The following TEKT3 variants were observed in gnomAD, a reference collection of about 807,000 sequenced individuals.
TEKT3 encodes the protein tektin 3.
Under a neutral mutation model 49.8 loss-of-function variants are expected in TEKT3, and 49 were observed. That is an observed-to-expected ratio of 0.98 (90% CI 0.78 to 1.25). TEKT3 has a LOEUF of 1.25. Ranked by LOEUF, TEKT3 falls within the 50% of genes most tolerant of loss-of-function variation. The probability of loss-of-function intolerance (pLI) is 0.00; values close to 1 mark genes in which losing one functional copy is unlikely to be tolerated. For missense variants in TEKT3, 595 were observed against 629.5 expected, an observed-to-expected ratio of 0.95 and a Z score of 0.59; for synonymous variants, 225 against 237.2, an observed-to-expected ratio of 0.95 and a Z score of 0.47.
At chr17:15,326,957 T>C (rs911918375) in intron 4 of TEKT3, among the ~76,000 whole-genome samples, 1 of 152,140 alleles carries the variant, frequency 6.6e-6, no homozygotes, top group Non-Finnish European at 1.5e-5. Context: ...GGATGGCAAT[T>C]TGGCTACATA....
chr17:15,331,783 A>G (rs1310385647), intron 2 of TEKT3, among the ~76,000 whole-genome samples, 169 bp from the exon 3 acceptor site: 1 of 151,844 alleles, frequency 6.6e-6, no homozygotes, highest in African/African-American at 2.4e-5. Context: ...TATTCCAACA[A>G]AGTTTTTTTT....
At chr17:15,314,602 C>T (rs1597661160) in intron 5 of TEKT3, among the ~76,000 whole-genome samples, 1 of 152,172 alleles carries the variant, frequency 6.6e-6, no homozygotes, top group Non-Finnish European at 1.5e-5. Flanking sequence ...CTGTGCCTTC[C>T]ATTCCTTCCT....
At position 15,312,560 on chromosome 17, in the gene TEKT3, G is replaced by C. The variant is rs190999452; in HGVS notation, c.879-79C>G. On this transcript the variant is annotated intron_variant, in intron 6 of 8. Transcript: ENST00000395930. ...GGATCGCTAGGCAATCATTTATCCTGAGAGAGAGAAACCCCCAGGTCGCTG... is the reference window on the plus strand; with the variant it reads ...GGATCGCTAGGCAATCATTTATCCTCAGAGAGAGAAACCCCCAGGTCGCTG... 6.9e-6 allele frequency: 9 copies of C among 1,303,158 alleles called. No homozygotes were observed. The African/African-American group carries it at 1.0e-4, about 15-fold the overall frequency. The allele number at this position is 1,303,158 out of a possible 1,614,324, so 80.7% of individuals were successfully genotyped here. A position where few individuals can be genotyped will look rare whatever the true frequency, so the allele number is the denominator to read the frequency against.
At chr17:15,314,444 C>T (rs556790485) in intron 5 of TEKT3, among the ~76,000 whole-genome samples, 1 of 152,294 alleles carries the variant, frequency 6.6e-6, no homozygotes, top group South Asian at 2.1e-4. Context: ...CTTGTCTACA[C>T]TTCTCCTTTC....
intron 7 of TEKT3, among the ~76,000 whole-genome samples, chr17:15,310,111 T>C (rs1443584759): frequency 1.3e-5 from 2 of 152,250 alleles, no homozygotes; most frequent in Admixed American, 6.5e-5. Flanking sequence ...TCAGATACTA[T>C]GTGCTCCATG....
intron 4 of TEKT3, among the ~76,000 whole-genome samples, chr17:15,321,217 T>C (rs181567582): frequency 2.8e-4 from 42 of 152,076 alleles, no homozygotes; most frequent in African/African-American, 9.9e-4. Flanking sequence ...CACCATGTTA[T>C]CCAGGATGGT....
chr17:15,321,251 C>T (rs1421903316), intron 4 of TEKT3, among the ~76,000 whole-genome samples: 1 of 151,998 alleles, frequency 6.6e-6, no homozygotes, highest in African/African-American at 2.4e-5. Context: ...CCTTGTGATC[C>T]ACCCGCCTCG....
chr17:15,323,343 C>CA (rs534804786), intron 4 of TEKT3, among the ~76,000 whole-genome samples: 12 of 152,322 alleles, frequency 7.9e-5, no homozygotes, highest in Non-Finnish European at 1.2e-4. Context: ...CCCAGAGCCC[C>CA]AGCCTGAGTT....
chr17:15,329,874 G>T (rs1911647189), intron 3 of TEKT3, among the ~76,000 whole-genome samples: 1 of 152,158 alleles, frequency 6.6e-6, no homozygotes, highest in Non-Finnish European at 1.5e-5. Context: ...TGCTAGCTGT[G>T]CTCATCAAAA....
intron 4 of TEKT3, 106 bp downstream of exon 4, chr17:15,327,886 G>T: frequency 1.1e-6 from 1 of 931,972 alleles, no homozygotes; most frequent in Non-Finnish European, 1.7e-6. Flanking sequence ...ATACGATAAT[G>T]CTTTACTTAT....
Position 15,331,171 on chromosome 17 carries a change from G to C in TEKT3, c.415C>G (p.Gln139Glu), listed in dbSNP as rs780422233. 6.2e-7 allele frequency: 1 copy of C among 1,614,202 alleles called. No homozygotes were observed. The highest frequency in any genetic ancestry group is 8.5e-7 in the Non-Finnish European group (1 of 1,180,036). The change falls in exon 3 of 9, where the codon CAG becomes GAG. Residue 139 changes from glutamine (Q) to glutamate (E), a missense_variant. Gln to Glu is a conservative substitution (Grantham distance 29). Coordinates refer to ENST00000395930, the MANE Select transcript of TEKT3 (RefSeq NM_031898.3). ...CCCAGATTTTGGGTTGTGTCTGCCT[G>C]AGTTTTTCTTGTTTGTTGATATTTG... Reference protein sequence around the residue: ...QDKYQQTRKTQADTTQNLGER... With the variant: ...QDKYQQTRKTEADTTQNLGER...
chr17:15,313,297 G>A (rs565068151), intron 6 of TEKT3, among the ~76,000 whole-genome samples: 1 of 152,300 alleles, frequency 6.6e-6, no homozygotes, highest in Admixed American at 6.5e-5. Flanking sequence ...TGTATGGTAT[G>A]TGAATTTCAA....
At chr17:15,321,013 A>ATTTT (rs10695008) in intron 4 of TEKT3, among the ~76,000 whole-genome samples, 29 of 145,496 alleles carry the variant, frequency 2.0e-4, no homozygotes, top group African/African-American at 5.4e-4. Flanking sequence ...TACAACAATA[A>ATTTT]TTTTTTTTTT....
At chr17:15,329,429 GAA>G (rs901804693) in intron 3 of TEKT3, among the ~76,000 whole-genome samples, 1 of 152,160 alleles carries the variant, frequency 6.6e-6, no homozygotes, top group Non-Finnish European at 1.5e-5. Flanking sequence ...ACTAAGAGAA[GAA>G]ACTGAATCTC....
rs981930417 is a variant in TEKT3, at chr17:15,304,541, C to T, written c.1257-389G>A. Among the ~76,000 whole-genome samples, 3 of 152,146 alleles carry T rather than the reference C, an allele frequency of 2.0e-5. No homozygotes were observed. Among genetic ancestry groups the T allele is most frequent in the African/African-American group, 7.2e-5 (3 of 41,420 alleles). ...TAGAGCCCAGGGGTTCATAAGCTGTCCTTTCCATCGACACAGGGCCCACAT... is the reference window on the plus strand; with the variant it reads ...TAGAGCCCAGGGGTTCATAAGCTGTTCTTTCCATCGACACAGGGCCCACAT... On this transcript the variant is annotated intron_variant, in intron 8 of 8. Transcript: ENST00000395930. This position sits in a 1 kb window ranked among gnomAD's most constrained non-coding sequence, Gnocchi z 4.7.
chr17:15,337,521 C>T (rs1912032778), intron 2 of TEKT3, among the ~76,000 whole-genome samples: 1 of 152,150 alleles, frequency 6.6e-6, no homozygotes, highest in Non-Finnish European at 1.5e-5. Context: ...AAAAATCTCA[C>T]TTTAAATATA....
chr17:15,320,318 AT>A (rs1597410344), intron 4 of TEKT3, among the ~76,000 whole-genome samples: 1 of 151,644 alleles, frequency 6.6e-6, no homozygotes, highest in South Asian at 2.1e-4. Flanking sequence ...TCTGTCATTT[AT>A]TTTTTCTTTT....
At position 15,308,750 on chromosome 17, in the gene TEKT3, A is replaced by G; in HGVS notation, c.1170T>C (p.Thr390=). The part of the protein sequence containing the change: ...ESIKKAIKDK[T]AFLKVAQTRL... ...TGGTCTGAGCCACCTTCAGGAAGGC[A>G]GTCTTGTCCTTGATGGCCTTCTTGA... Residue 390 remains threonine (T), a synonymous_variant, in exon 8 of 9, where the codon ACT becomes ACC. Coordinates refer to ENST00000395930, the MANE Select transcript of TEKT3 (RefSeq NM_031898.3). 4 of 1,614,038 alleles carry G rather than the reference A, an allele frequency of 2.5e-6. No homozygotes were observed. The highest frequency in any genetic ancestry group is 3.4e-6 in the Non-Finnish European group (4 of 1,180,014).
At chr17:15,342,136 A>G (rs1912255141), upstream of TEKT3, among the ~76,000 whole-genome samples, 1 of 152,212 alleles carries the variant, frequency 6.6e-6, no homozygotes. Context: ...TTCCGTAAAC[A>G]GCAGCCCGTA....
Sources: allele counts gnomAD v4.1 joint callset (sites outside exome capture counted in the v4.1 genomes callset), GRCh38; gene constraint gnomAD v4.1.1; non-coding constraint Gnocchi (gnomAD v3.1); transcripts MANE v1.5; gene names NCBI Gene and HGNC (gene_info 2026-07-23, HGNC 2026-07-21).